Variants in ZNF385D observed in about 807,000 individuals in gnomAD.
ZNF385D encodes zinc finger protein 659.
Under a neutral mutation model 35.8 loss-of-function variants are expected in ZNF385D, and 15 were observed. The observed-to-expected ratio is 0.42, with a 90% confidence interval of 0.28 to 0.64. The LOEUF (loss-of-function observed/expected upper bound fraction) is 0.64, where lower values mean the gene tolerates loss of function less well. Among genes scored for constraint, ZNF385D ranks in the 30% least tolerant of loss-of-function variants. ZNF385D has a pLI of 0.23. For synonymous variants in ZNF385D, 212 were observed against 186.8 expected (o/e 1.13, Z -1.10); for missense variants, 474 against 494.6 (o/e 0.96, Z 0.39).
intron 2 of ZNF385D, among the ~76,000 whole-genome samples, chr3:22,252,644 G>C (rs1044238356): frequency 6.6e-6 from 1 of 152,048 alleles, no homozygotes; most frequent in Non-Finnish European, 1.5e-5. Flanking sequence ...CCTGAGGAAG[G>C]CTGCATCGAT....
chr3:21,968,488 C>G (rs978576304), intron 3 of ZNF385D, among the ~76,000 whole-genome samples: 1 of 151,556 alleles, frequency 6.6e-6, no homozygotes, highest in Admixed American at 6.6e-5. Context: ...GAAGAGCTCT[C>G]AAGTCCTAGA....
intron 2 of ZNF385D, among the ~76,000 whole-genome samples, chr3:21,651,706 T>C (rs1020703517): frequency 1.3e-5 from 2 of 152,150 alleles, no homozygotes; most frequent in African/African-American, 4.8e-5. Flanking sequence ...GTGACACATA[T>C]AGTGGGATTA....
At chr3:21,830,213 C>T (rs767033407) in intron 3 of ZNF385D, among the ~76,000 whole-genome samples, 21 of 152,148 alleles carry the variant, frequency 1.4e-4, no homozygotes, top group Admixed American at 3.3e-4. Flanking sequence ...TCTCTGTATT[C>T]ACCAAACTGA....
chr3:21,743,791 C>G (rs73822045), intron 1 of ZNF385D, among the ~76,000 whole-genome samples: 3 of 152,128 alleles, frequency 2.0e-5, no homozygotes, highest in Non-Finnish European at 4.4e-5. Context: ...TCCATAACAC[C>G]GATGCATGCC....
chr3:22,223,942 A>G (rs969154889), intron 2 of ZNF385D, among the ~76,000 whole-genome samples: 2 of 152,104 alleles, frequency 1.3e-5, no homozygotes, highest in Non-Finnish European at 2.9e-5. Context: ...TGCCTATTTT[A>G]TTCACCATCA....
chr3:21,438,210 C>T (rs1162508130), intron 4 of ZNF385D, among the ~76,000 whole-genome samples: 1 of 152,146 alleles, frequency 6.6e-6, no homozygotes, highest in African/African-American at 2.4e-5. Context: ...CACTCATATC[C>T]TATCTACCCA....
At chr3:21,807,005 T>A (rs2072681886) in intron 3 of ZNF385D, among the ~76,000 whole-genome samples, 1 of 152,222 alleles carries the variant, frequency 6.6e-6, no homozygotes, top group African/African-American at 2.4e-5. Context: ...TTTTTCTGAT[T>A]TGAATCCAGT....
intron 4 of ZNF385D, among the ~76,000 whole-genome samples, chr3:21,496,640 C>T (rs1217816144): frequency 6.7e-6 from 1 of 149,052 alleles, no homozygotes; most frequent in Non-Finnish European, 1.5e-5. Flanking sequence ...AACATAGATG[C>T]CAAAGTCCTC....
intron 3 of ZNF385D, among the ~76,000 whole-genome samples, chr3:21,895,149 G>C (rs1479975): frequency 0.055 from 8,398 of 151,630 alleles, 390 homozygotes; most frequent in South Asian, 0.2. Flanking sequence ...AAATAGGTTG[G>C]TATATATGGA....
At chr3:21,964,543 G>T (rs547657231) in intron 3 of ZNF385D, among the ~76,000 whole-genome samples, 1 of 117,244 alleles carries the variant, frequency 8.5e-6, no homozygotes, top group Non-Finnish European at 1.6e-5. Context: ...AGGCTGGTGT[G>T]CAGTGACACA....
chr3:21,893,161 A>C (rs760196239), intron 3 of ZNF385D, among the ~76,000 whole-genome samples: 19 of 152,274 alleles, frequency 1.2e-4, no homozygotes, highest in South Asian at 8.3e-4. Flanking sequence ...AAATGGTGAG[A>C]ATTCCAGGTA....
chr3:21,419,131 C>T lies in ZNF385D; in HGVS notation c.*2083G>A, dbSNP rs1700632387. On this transcript the variant is annotated 3_prime_UTR_variant, in exon 8 of 8. Coordinates refer to ENST00000281523, the MANE Select transcript of ZNF385D (RefSeq NM_024697.3). ...AATACTGATGGAACACATTATCTTC[C>T]TTTCTTCCTTCCTTCCTTTTCTTCC... 1 of 153,520 alleles carries T rather than the reference C, an allele frequency of 6.5e-6. No individual in the cohort carries two copies. The highest frequency in any genetic ancestry group is 1.5e-5 in the Non-Finnish European group (1 of 68,496). The allele number at this position is 153,520 out of a possible 1,614,324, so 9.5% of individuals were successfully genotyped here.
intron 3 of ZNF385D, among the ~76,000 whole-genome samples, chr3:22,160,819 A>T (rs945516707): frequency 2.0e-5 from 3 of 152,174 alleles, no homozygotes; most frequent in African/African-American, 7.2e-5. Context: ...AGATAGTGTG[A>T]ATAAAATAAA....
intron 2 of ZNF385D, among the ~76,000 whole-genome samples, chr3:22,365,943 T>C (rs1487037459): frequency 1.3e-5 from 2 of 152,100 alleles, no homozygotes; most frequent in African/African-American, 4.8e-5. Flanking sequence ...ACAGTATTTA[T>C]TGTTTCCCAA....
intron 4 of ZNF385D, among the ~76,000 whole-genome samples, chr3:21,496,601 TG>T (rs1705911413): frequency 6.8e-6 from 1 of 147,724 alleles, no homozygotes; most frequent in Admixed American, 6.9e-5. Context: ...CATATATATC[TG>T]ATATACTTCA....
chr3:21,491,534 A>G (rs1457873013), intron 4 of ZNF385D, among the ~76,000 whole-genome samples: 1 of 152,132 alleles, frequency 6.6e-6, no homozygotes, highest in Non-Finnish European at 1.5e-5. Context: ...ACCAAGTTTG[A>G]GTTGGTTTGT....
chr3:21,873,092 A>G (rs554389217), intron 3 of ZNF385D, among the ~76,000 whole-genome samples: 1 of 152,242 alleles, frequency 6.6e-6, no homozygotes, highest in South Asian at 2.1e-4. Context: ...GTACAAGTGG[A>G]TTTTATAAAC....
At chr3:21,447,538 T>C (rs531465296) in intron 4 of ZNF385D, among the ~76,000 whole-genome samples, 1 of 152,210 alleles carries the variant, frequency 6.6e-6, no homozygotes, top group Non-Finnish European at 1.5e-5. Context: ...TGATTGCCTT[T>C]GGTAGTTCAT....
At chr3:21,905,410 T>G (rs259503) in intron 3 of ZNF385D, among the ~76,000 whole-genome samples, 22,727 of 151,518 alleles carry the variant, frequency 0.15, 1,990 homozygotes, top group Middle Eastern at 0.17. Flanking sequence ...AAGGTTGTAT[T>G]TATTCATTTA....
Sources: gnomAD v4.1 joint callset for allele counts (sites outside exome capture counted in the v4.1 genomes callset) on GRCh38, gnomAD v4.1.1 for gene constraint, MANE v1.5 for transcripts, NCBI Gene and HGNC (gene_info 2026-07-23, HGNC 2026-07-21) for gene names.